The following EBPL variants were observed in gnomAD, a reference collection of about 807,000 sequenced individuals.
EBPL encodes the protein emopamil-binding protein-like.
A neutral mutation model predicts 19.0 loss-of-function variants in EBPL; 20 were observed. The observed-to-expected ratio is 1.05, with a 90% confidence interval of 0.74 to 1.53. The LOEUF (loss-of-function observed/expected upper bound fraction) is 1.53. Among genes scored for constraint, EBPL ranks in the 40% most tolerant of loss-of-function variants. The probability of loss-of-function intolerance (pLI) is 0.00; values close to 1 mark genes in which losing one functional copy is unlikely to be tolerated. For synonymous variants in EBPL, 107 were observed against 117.0 expected, an observed-to-expected ratio of 0.91 and a Z score of 0.55; for missense variants, 219 against 261.1, an observed-to-expected ratio of 0.84 and a Z score of 1.11.
chr13:49,680,478 G>A (rs1190520963), intron 1 of EBPL, among the ~76,000 whole-genome samples: 1 of 152,242 alleles, frequency 6.6e-6, no homozygotes, highest in African/African-American at 2.4e-5. Flanking sequence ...TCTGCTCACT[G>A]ATACTGTACT....
intron 2 of EBPL, among the ~76,000 whole-genome samples, chr13:49,665,715 CTT>C (rs35993290): frequency 9.5e-4 from 139 of 146,916 alleles, no homozygotes; most frequent in Middle Eastern, 3.5e-3. Flanking sequence ...TTCAACAAGT[CTT>C]TTTTTTTTTT....
chr13:49,661,290 G>A, intron 3 of EBPL, 82 bp from the exon 4 acceptor site: 1 of 1,150,638 alleles, frequency 8.7e-7, no homozygotes, highest in Non-Finnish European at 1.3e-6. Context: ...GTCTGTAATG[G>A]CGGCATCAAC....
chr13:49,667,110 T>A (rs1206280451), intron 2 of EBPL, among the ~76,000 whole-genome samples: 1 of 151,888 alleles, frequency 6.6e-6, no homozygotes, highest in East Asian at 1.9e-4. Context: ...AGGGGACGGA[T>A]AGTAAGGGGC....
At chr13:49,666,711 C>CAAAAA (rs35086927) in intron 2 of EBPL, among the ~76,000 whole-genome samples, 7 of 81,012 alleles carry the variant, frequency 8.6e-5, no homozygotes, top group African/African-American at 1.1e-4. Flanking sequence ...GACTCCGTCT[C>CAAAAA]AAAAAAAAAA....
At position 49,691,334 on chromosome 13, in the gene EBPL, G is replaced by A; in HGVS notation, c.91C>T (p.Arg31Cys). The A allele has an allele frequency of 1.5e-6, 2 of 1,371,194 alleles. No homozygotes were observed. The highest frequency in any genetic ancestry group is 1.9e-6 in the Non-Finnish European group (2 of 1,057,674). The allele number at this position is 1,371,194 out of a possible 1,614,324, so 84.9% of individuals were successfully genotyped here. ...GCCGCCCCCTGCCCGCGGCCCAGGCGCAGGCCCAGGGCGCAGCCCGCCGCC... is the reference window on the plus strand; with the variant it reads ...GCCGCCCCCTGCCCGCGGCCCAGGCACAGGCCCAGGGCGCAGCCCGCCGCC... ...LLAAGCALGL[R>C]LGRGQGAADR... The change falls in exon 1 of 4, where the codon CGC (arginine) becomes TGC (cysteine). Residue 31 changes from arginine (R) to cysteine (C), a missense_variant. Physicochemically the swap from Arg to Cys is radical, Grantham distance 180 (BLOSUM62 -3). Coordinates refer to ENST00000242827, the MANE Select transcript of EBPL (RefSeq NM_032565.5).
chr13:49,665,616 A>G (rs1427304672), intron 2 of EBPL, among the ~76,000 whole-genome samples: 1 of 152,080 alleles, frequency 6.6e-6, no homozygotes, highest in African/African-American at 2.4e-5. Flanking sequence ...AATGTTGGCA[A>G]GGCTGGTCTC....
At chr13:49,666,378 AGGCCCC>A (rs1182155015) in intron 2 of EBPL, among the ~76,000 whole-genome samples, 1 of 152,112 alleles carries the variant, frequency 6.6e-6, no homozygotes, top group East Asian at 1.9e-4. Flanking sequence ...TGGCCATCTG[AGGCCCC>A]CCTGGATCTT....
At chr13:49,681,823 G>GT (rs1223130363) in intron 1 of EBPL, among the ~76,000 whole-genome samples, 1 of 152,134 alleles carries the variant, frequency 6.6e-6, no homozygotes, top group Non-Finnish European at 1.5e-5. Context: ...GAATGTATCT[G>GT]TTTTTTTGTT....
chr13:49,662,617 T>G (rs1566311575), intron 3 of EBPL, among the ~76,000 whole-genome samples: 1 of 151,958 alleles, frequency 6.6e-6, no homozygotes, highest in Non-Finnish European at 1.5e-5. Flanking sequence ...TTATCTCACA[T>G]AAAATAATTT....
chr13:49,685,433 T>C (rs1374586109), intron 1 of EBPL, among the ~76,000 whole-genome samples: 1 of 152,224 alleles, frequency 6.6e-6, no homozygotes, highest in Non-Finnish European at 1.5e-5. Context: ...TTGTTTGTAC[T>C]AATATATGAA....
intron 1 of EBPL, among the ~76,000 whole-genome samples, chr13:49,683,945 T>C (rs1272722508): frequency 6.6e-6 from 1 of 152,350 alleles, no homozygotes; most frequent in East Asian, 1.9e-4. Flanking sequence ...GTTCATTAAC[T>C]GATAAATGGA....
At chr13:49,673,755 A>G (rs1953844210) in intron 1 of EBPL, among the ~76,000 whole-genome samples, 2 of 152,084 alleles carry the variant, frequency 1.3e-5, no homozygotes, top group Non-Finnish European at 2.9e-5. Flanking sequence ...ACATTTATAT[A>G]ACATTTTTCT....
At position 49,691,439 on chromosome 13, in the gene EBPL, A is replaced by G. The variant is rs1954065324; in HGVS notation, c.-15T>C. ...TCAGCGCCCATGCTTCAGGCTTCCG[A>G]CGCCAACGGCCCAGGACCATGCGGC... is the stretch of plus-strand genomic sequence containing the variant. On this transcript the variant is annotated 5_prime_UTR_variant, in exon 1 of 4. Coordinates refer to ENST00000242827, the MANE Select transcript of EBPL (RefSeq NM_032565.5). 1 of 1,330,658 alleles carries G rather than the reference A, an allele frequency of 7.5e-7. No homozygotes were observed. The highest frequency in any genetic ancestry group is 2.8e-5 in the East Asian group (1 of 35,608). The allele number at this position is 1,330,658 out of a possible 1,614,324, so 82.4% of individuals were successfully genotyped here. A position where few individuals can be genotyped will look rare whatever the true frequency, so the allele number is the denominator to read the frequency against.
chr13:49,664,925 ACTGT>A (rs1298048505), intron 2 of EBPL, among the ~76,000 whole-genome samples: 1 of 152,088 alleles, frequency 6.6e-6, no homozygotes, highest in African/African-American at 2.4e-5. Flanking sequence ...TCCTTAGCTG[ACTGT>A]CTGCAGTCTC....
At chr13:49,687,868 C>A (rs959832563) in intron 1 of EBPL, among the ~76,000 whole-genome samples, 12 of 152,186 alleles carry the variant, frequency 7.9e-5, no homozygotes, top group Non-Finnish European at 1.6e-4. Context: ...CTTAACACAT[C>A]ACCACTAAAT....
intron 2 of EBPL, chr13:49,668,630 C>T (rs1953773766): frequency 2.5e-6 from 1 of 407,884 alleles, no homozygotes. Context: ...GAAGCAAAAC[C>T]TGAAAGCAGT....
intron 1 of EBPL, among the ~76,000 whole-genome samples, chr13:49,674,286 T>C (rs1953852538): frequency 6.6e-6 from 1 of 151,988 alleles, no homozygotes; most frequent in Non-Finnish European, 1.5e-5. Flanking sequence ...GTATTTTTAG[T>C]AGAGATGGGG....
At chr13:49,684,669 G>T (rs1039785320) in intron 1 of EBPL, among the ~76,000 whole-genome samples, 7 of 152,090 alleles carry the variant, frequency 4.6e-5, no homozygotes, top group Non-Finnish European at 8.8e-5. Context: ...GAGTGAGACT[G>T]TCTCAAAAAA....
intron 1 of EBPL, among the ~76,000 whole-genome samples, chr13:49,674,587 C>CT (rs10683884): frequency 0.61 from 85,193 of 139,576 alleles, 27,972 homozygotes; most frequent in East Asian, 0.77. Flanking sequence ...AATGAATGGG[C>CT]TTTTTTTTTT....
Sources: gnomAD v4.1 joint callset for allele counts (sites outside exome capture counted in the v4.1 genomes callset) on GRCh38, gnomAD v4.1.1 for gene constraint, MANE v1.5 for transcripts, NCBI Gene and HGNC (gene_info 2026-07-23, HGNC 2026-07-21) for gene names.